FA2H: variants seen among roughly 807,000 people sequenced by gnomAD.
The protein encoded by FA2H is fatty acid alpha-hydroxylase.
In FA2H, 22 loss-of-function variants were observed where a neutral mutation model predicts 44.9. The ratio of observed to expected loss-of-function variants is 0.49; its 90% CI spans 0.35 to 0.70. FA2H has a LOEUF of 0.70. FA2H is among the 30% of genes least tolerant of loss of function. The pLI is 0.01. For synonymous variants in FA2H, 243 were observed against 213.2 expected (o/e 1.14, Z -1.22); for missense variants, 501 against 504.9 (o/e 0.99, Z 0.07).
At chr16:74,740,617 TC>T (rs1962274183) in intron 1 of FA2H, among the ~76,000 whole-genome samples, 1 of 101,214 alleles carries the variant, frequency 9.9e-6, no homozygotes, top group Non-Finnish European at 2.0e-5. Context: ...AGACTCCATC[TC>T]AAAATAATAA....
intron 1 of FA2H, among the ~76,000 whole-genome samples, chr16:74,772,331 T>C (rs550092262): frequency 8.0e-4 from 122 of 152,360 alleles, no homozygotes; most frequent in Non-Finnish European, 1.4e-3. Context: ...CAATGTCGCT[T>C]TCTCAAGAAG....
Position 74,719,099 on chromosome 16 carries a change from G to A in FA2H, c.675C>T (p.Leu225=), listed in dbSNP as rs371803211. ...FPGLFMLGTF[L]WSLIEYLIHR... is the part of the protein sequence containing the mutation. ...GGATGAGGTACTCGATGAGGCTCCAGAGGAATGTCCCCAGCATGAAGAGCC... is the reference window on the plus strand; with the variant it reads ...GGATGAGGTACTCGATGAGGCTCCAAAGGAATGTCCCCAGCATGAAGAGCC... Residue 225 remains leucine (L), a synonymous_variant, in exon 5 of 7, where the codon CTC becomes CTT. Transcript: ENST00000219368. 15 of 1,614,026 alleles carry A rather than the reference G, an allele frequency of 9.3e-6. No individual in the cohort carries two copies. Among genetic ancestry groups the A allele is most frequent in the Non-Finnish European group, 1.1e-5 (13 of 1,180,026 alleles).
At position 74,714,116 on chromosome 16, in the gene FA2H, G is replaced by A. The variant is rs558364978; in HGVS notation, c.*74C>T. 59 of 909,842 alleles carry A rather than the reference G, an allele frequency of 6.5e-5. 1 individual carries two copies. In the South Asian group the frequency reaches 8.1e-4, roughly 12 times the overall value. The allele number at this position is 909,842 out of a possible 1,614,324, so 56.4% of individuals were successfully genotyped here. A position where few individuals can be genotyped will look rare whatever the true frequency, so the allele number is the denominator to read the frequency against. The stretch of plus-strand genomic sequence containing the variant: ...CCTGGCCAAGCCAACCTTCTTAATG[G>A]GGTCTGAATGGCGGGTGGGGGTCGG... On this transcript the variant is annotated 3_prime_UTR_variant, in exon 7 of 7. Transcript: ENST00000219368.
chr16:74,728,865 C>T (rs1368077836), intron 2 of FA2H, among the ~76,000 whole-genome samples: 14 of 149,906 alleles, frequency 9.3e-5, no homozygotes, highest in Admixed American at 2.0e-4. Flanking sequence ...TCACTGCAAC[C>T]TCCGCCTCCT....
chr16:74,767,546 A>G (rs897754038), intron 1 of FA2H, among the ~76,000 whole-genome samples: 5 of 152,162 alleles, frequency 3.3e-5, no homozygotes, highest in African/African-American at 1.2e-4. Context: ...CCCCGAGTGT[A>G]CTTCTAAGTG....
intron 4 of FA2H, among the ~76,000 whole-genome samples, chr16:74,722,265 G>A (rs754333976): frequency 6.2e-4 from 95 of 152,320 alleles, no homozygotes; most frequent in Non-Finnish European, 1.1e-3. Flanking sequence ...GCTGAACATG[G>A]GGGCTCATGC....
intron 5 of FA2H, 181 bp from the exon 6 acceptor site, chr16:74,716,780 G>A: frequency 1.7e-6 from 1 of 603,386 alleles, no homozygotes; most frequent in Non-Finnish European, 2.8e-6. Context: ...TGGAGAGACT[G>A]TCTTACTTCC....
At chr16:74,725,867 AC>A (rs1438660028) in intron 4 of FA2H, 1 of 352,814 alleles carries the variant, frequency 2.8e-6, no homozygotes, top group Non-Finnish European at 5.6e-6. Flanking sequence ...CAGCTGTGTC[AC>A]CCGATGAAGT....
intron 2 of FA2H, among the ~76,000 whole-genome samples, chr16:74,734,292 G>C (rs1962137943): frequency 6.6e-6 from 1 of 152,260 alleles, no homozygotes; most frequent in African/African-American, 2.4e-5. Context: ...CGACGCTAGA[G>C]AGGCATGTCC....
Position 74,774,491 on chromosome 16 carries a change from G to A in FA2H, c.265C>T (p.Gln89Ter). ...QYYVGELRGE[Q>*]QGSMENEPVA... Reference sequence around the variant, plus strand: ...GGGCCCCGGCCCGGCTGTACCTGCTGCTCCCCGCGGAGCTCTCCCACGTAG... The same window carrying A: ...GGGCCCCGGCCCGGCTGTACCTGCTACTCCCCGCGGAGCTCTCCCACGTAG... The change falls in exon 1 of 7, where the codon CAG becomes TAG. Residue 89 changes from glutamine to a stop codon, truncating the protein, a stop_gained. Transcript: ENST00000219368. LOFTEE classifies it high-confidence loss of function. 2 of 1,515,970 alleles carry A rather than the reference G, an allele frequency of 1.3e-6. No individual in the cohort carries two copies. The highest frequency in any genetic ancestry group is 1.8e-6 in the Non-Finnish European group (2 of 1,138,430). The allele number at this position is 1,515,970 out of a possible 1,614,324, so 93.9% of individuals were successfully genotyped here.
At position 74,713,775 on chromosome 16, in the gene FA2H, C is replaced by G. The variant is rs901907156; in HGVS notation, c.*415G>C. 2.1e-5 allele frequency: 4 copies of G among 194,802 alleles called. No homozygotes were observed. Among genetic ancestry groups the G allele is most frequent in the Admixed American group, 5.2e-5 (1 of 19,068 alleles). 12.1% of individuals were successfully genotyped at this position (194,802 alleles called of 1,614,324 possible). ...GACCACAGATCCCACAGACCCACTT[C>G]TGACTGTGAAAGCGAGCTGTGCCGT... On this transcript the variant is annotated 3_prime_UTR_variant, in exon 7 of 7. Coordinates refer to ENST00000219368, the MANE Select transcript of FA2H (RefSeq NM_024306.5).
At chr16:74,769,667 G>C (rs1020140064) in intron 1 of FA2H, among the ~76,000 whole-genome samples, 1 of 152,170 alleles carries the variant, frequency 6.6e-6, no homozygotes, top group African/African-American at 2.4e-5. Context: ...CTGGGAAGGA[G>C]GTTTAGACCT....
At position 74,722,897 on chromosome 16, in the gene FA2H, G is replaced by A. The variant is rs532146352; in HGVS notation, c.613+3328C>T. Among the ~76,000 whole-genome samples the A allele has an allele frequency of 1.1e-4, 13 of 121,478 alleles. No individual in the cohort carries two copies. In the South Asian group the frequency reaches 3.5e-3, roughly 32 times the overall value. The allele number at this position is 121,478 out of a possible 152,430, so 79.7% of individuals were successfully genotyped here. On this transcript the variant is annotated intron_variant, in intron 4 of 6. Coordinates refer to ENST00000219368, the MANE Select transcript of FA2H (RefSeq NM_024306.5). ...TTGCACTCCAGCATGGGCAATAAGA[G>A]TGAAACTCCATCTCAAAAAAAAAAA...
chr16:74,727,381 C>T lies in FA2H; in HGVS notation c.369G>A (p.Leu123=). ...RFKVVDWDKD[L]VDWRKPLLWQ... ...ACAGGAGAGGCTTTCGCCAGTCCAC[C>T]AGGTCCTGCAAGAGATGAAGCCAAG... is the stretch of plus-strand genomic sequence containing the variant. The change falls in exon 3 of 7, where the codon CTG becomes CTA. Residue 123 remains leucine, a synonymous_variant. Transcript: ENST00000219368. 3 of 1,614,248 alleles carry T rather than the reference C, an allele frequency of 1.9e-6. No individual in the cohort carries two copies. The highest frequency in any genetic ancestry group is 1.7e-6 in the Non-Finnish European group (2 of 1,180,048).
At chr16:74,763,495 C>T (rs1423533190) in intron 1 of FA2H, among the ~76,000 whole-genome samples, 1 of 152,142 alleles carries the variant, frequency 6.6e-6, no homozygotes, top group Non-Finnish European at 1.5e-5. Context: ...TGGCCTCAAG[C>T]GATCCGCCTT....
chr16:74,714,063 G>T lies in FA2H; in HGVS notation c.*127C>A. 1 of 664,796 alleles carries T rather than the reference G, an allele frequency of 1.5e-6. No individual in the cohort carries two copies. The highest frequency in any genetic ancestry group is 2.7e-6 in the Non-Finnish European group (1 of 369,856). 41.2% of individuals were successfully genotyped at this position (664,796 alleles called of 1,614,324 possible). A position where few individuals can be genotyped will look rare whatever the true frequency, so the allele number is the denominator to read the frequency against. ...GGGCCCCCTCAGCACCTTCCACTAG[G>T]CTGCAGGGCCGGACACAGCCCATCC... On this transcript the variant is annotated 3_prime_UTR_variant, in exon 7 of 7. Transcript: ENST00000219368.
chr16:74,757,146 T>A (rs892581918), intron 1 of FA2H, among the ~76,000 whole-genome samples: 6 of 151,910 alleles, frequency 3.9e-5, no homozygotes, highest in Admixed American at 3.3e-4. Flanking sequence ...AAGGAGAGAT[T>A]ATAAATCAGT....
chr16:74,715,709 A>G (rs1412152318), intron 6 of FA2H, among the ~76,000 whole-genome samples: 6 of 152,150 alleles, frequency 3.9e-5, no homozygotes, highest in African/African-American at 1.4e-4. Flanking sequence ...CCACTAGAAA[A>G]TTTAAAATCA....
chr16:74,772,124 C>T (rs1962921042), intron 1 of FA2H, among the ~76,000 whole-genome samples: 1 of 152,098 alleles, frequency 6.6e-6, no homozygotes, highest in African/African-American at 2.4e-5. Flanking sequence ...GTGATGTGGC[C>T]CCGGCCGACT....
Sources: allele counts gnomAD v4.1 joint callset (sites outside exome capture counted in the v4.1 genomes callset), GRCh38; gene constraint gnomAD v4.1.1; transcripts MANE v1.5; gene names NCBI Gene and HGNC (gene_info 2026-07-23, HGNC 2026-07-21).